Variants in TMF1 observed in about 807,000 individuals in gnomAD.
TMF1 encodes TATA element modulatory factor.
In TMF1, 71 loss-of-function variants were observed where a neutral mutation model predicts 126.5. The ratio of observed to expected loss-of-function variants is 0.56; its 90% CI spans 0.46 to 0.68. The LOEUF is 0.68. TMF1 is among the 30% of genes least tolerant of loss of function. The probability of loss-of-function intolerance (pLI) is 0.00; values close to 1 mark genes in which losing one functional copy is unlikely to be tolerated. For missense variants in TMF1, 1,259 were observed against 1,253.2 expected (o/e 1.00, Z -0.07); for synonymous variants, 461 against 430.5 (o/e 1.07, Z -0.88).
intron 1 of TMF1, among the ~76,000 whole-genome samples, chr3:69,049,711 A>C (rs1487160160): frequency 6.6e-6 from 1 of 152,208 alleles, no homozygotes; most frequent in African/African-American, 2.4e-5. Flanking sequence ...TTGGGGAAAA[A>C]GTTAATTATC....
At chr3:69,030,418 C>T (rs536125697) in intron 10 of TMF1, 1 of 153,602 alleles carries the variant, frequency 6.5e-6, no homozygotes, top group South Asian at 2.1e-4. Context: ...AGAAAGTCTT[C>T]AGGATCTAGA....
At chr3:69,046,303 T>C (rs149714239) in intron 2 of TMF1, among the ~76,000 whole-genome samples, 2 of 151,854 alleles carry the variant, frequency 1.3e-5, no homozygotes, top group Non-Finnish European at 2.9e-5. Context: ...CTCAAAAAAA[T>C]AGTCTTACCT....
Position 69,029,417 on chromosome 3 carries a change from C to T in TMF1, c.2594+398G>A, listed in dbSNP as rs893567736. On this transcript the variant is annotated intron_variant, in intron 11 of 16. Coordinates refer to ENST00000398559, the MANE Select transcript of TMF1 (RefSeq NM_007114.3). Reference sequence around the variant, plus strand: ...TTGGTACCCTGAAGCTAAAAGCCAACGACATACTTTGTTTATTTACTTATT... The same window carrying T: ...TTGGTACCCTGAAGCTAAAAGCCAATGACATACTTTGTTTATTTACTTATT... Among the ~76,000 whole-genome samples the T allele has an allele frequency of 2.0e-5, 3 of 151,132 alleles. No individual in the cohort carries two copies. The East Asian group carries it at 5.8e-4, about 29-fold the overall frequency.
Position 69,038,626 on chromosome 3 carries a change from A to G in TMF1, c.2089T>C (p.Ser697Pro). 6.2e-7 allele frequency: 1 copy of G among 1,614,132 alleles called. No homozygotes were observed. Among genetic ancestry groups the G allele is most frequent in the Non-Finnish European group, 8.5e-7 (1 of 1,180,018 alleles). ...TCTTGGGCCTTCTCTAATGCTGCAGAAAGTTCTTCTTTAGCTTTCATTTCA... is the reference window on the plus strand; with the variant it reads ...TCTTGGGCCTTCTCTAATGCTGCAGGAAGTTCTTCTTTAGCTTTCATTTCA... ...SREMKAKEEL[S>P]AALEKAQEEA... The change falls in exon 8 of 17, where the codon TCT becomes CCT. Residue 697 changes from serine to proline, a missense_variant. Ser to Pro is a moderately conservative substitution (Grantham distance 74, BLOSUM62 -1). Transcript: ENST00000398559.
rs1324758298 is a variant in TMF1, at chr3:69,021,034, T to G, written c.*2143A>C. 6.6e-6 allele frequency: 1 copy of G among 152,248 alleles called. No individual in the cohort carries two copies. The highest frequency in any genetic ancestry group is 2.4e-5 in the African/African-American group (1 of 41,474). 9.4% of individuals were successfully genotyped at this position (152,248 alleles called of 1,614,324 possible). A position where few individuals can be genotyped will look rare whatever the true frequency, so the allele number is the denominator to read the frequency against. On this transcript the variant is annotated 3_prime_UTR_variant, in exon 17 of 17. Transcript: ENST00000398559. ...GTCTCCCCTTATCCACGATTTTGCT[T>G]TCTGTGGTTTCGGTTACTCACGGTC...
chr3:69,042,071 C>G (rs939233569), intron 5 of TMF1, among the ~76,000 whole-genome samples: 1 of 152,084 alleles, frequency 6.6e-6, no homozygotes, highest in African/African-American at 2.4e-5. Flanking sequence ...AAGTCTCACT[C>G]TGTCGCCCAG....
rs1290846125 is a variant in TMF1, at chr3:69,052,118, G to C, written c.-32C>G. 2 of 1,591,948 alleles carry C rather than the reference G, an allele frequency of 1.3e-6. No homozygotes were observed. Among genetic ancestry groups the C allele is most frequent in the East Asian group, 2.3e-5 (1 of 44,184 alleles). On this transcript the variant is annotated 5_prime_UTR_variant, in exon 1 of 17. Coordinates refer to ENST00000398559, the MANE Select transcript of TMF1 (RefSeq NM_007114.3). Reference sequence around the variant, plus strand: ...TCCTCAGCCGGCAGTGGCGGCGGCAGCACCAAGCGGGAAGGCCTCAGGCCT... The same window carrying C: ...TCCTCAGCCGGCAGTGGCGGCGGCACCACCAAGCGGGAAGGCCTCAGGCCT...
chr3:69,040,363 C>T, intron 5 of TMF1: 1 of 152,220 alleles, frequency 6.6e-6, no homozygotes, highest in East Asian at 1.9e-4. Context: ...TGAATTAATG[C>T]TGATTTCTTA....
At position 69,043,873 on chromosome 3, in the gene TMF1, T is replaced by G. The variant is rs777930892; in HGVS notation, c.1455A>C (p.Glu485Asp). Residue 485 changes from glutamate (E) to aspartate (D), a missense_variant, in exon 4 of 17, where the codon GAA (glutamate) becomes GAC (aspartate). Transcript: ENST00000398559. The stretch of plus-strand genomic sequence containing the variant: ...TGCTTTCTTCTTTCACTCTGAACAT[T>G]TCACTAAATTTAAAATAATATTTGA... ...LEEAFDNLKD[E>D]MFRVKEESSS... 6.3e-7 allele frequency: 1 copy of G among 1,597,820 alleles called. No individual in the cohort carries two copies. The highest frequency in any genetic ancestry group is 2.2e-5 in the East Asian group (1 of 44,628).
rs2091738948 is a variant in TMF1, at chr3:69,021,719, C to T, written c.*1458G>A. 6.7e-6 allele frequency: 1 copy of T among 149,494 alleles called. No homozygotes were observed. Among genetic ancestry groups the T allele is most frequent in the Non-Finnish European group, 1.5e-5 (1 of 67,562 alleles). The allele number at this position is 149,494 out of a possible 1,614,324, so 9.3% of individuals were successfully genotyped here. A position where few individuals can be genotyped will look rare whatever the true frequency, so the allele number is the denominator to read the frequency against. On this transcript the variant is annotated 3_prime_UTR_variant, in exon 17 of 17. Coordinates refer to ENST00000398559, the MANE Select transcript of TMF1 (RefSeq NM_007114.3). ...TTTTTGAGACGGAGTCTTTCTCTGT[C>T]ACCCATGCTGGAGTGCAGTGGCACA...
intron 8 of TMF1, among the ~76,000 whole-genome samples, chr3:69,037,629 C>G (rs537399445): frequency 6.6e-6 from 1 of 151,768 alleles, no homozygotes; most frequent in Non-Finnish European, 1.5e-5. Flanking sequence ...GCAACAAGAG[C>G]GAAACTCTGT....
intron 10 of TMF1, among the ~76,000 whole-genome samples, chr3:69,032,226 C>T (rs2091807157): frequency 6.6e-6 from 1 of 152,142 alleles, no homozygotes; most frequent in Non-Finnish European, 1.5e-5. Flanking sequence ...ATCTAAGAGT[C>T]CACTGAATAC....
intron 5 of TMF1, among the ~76,000 whole-genome samples, chr3:69,040,787 T>C (rs2107465244): frequency 6.6e-6 from 1 of 152,124 alleles, no homozygotes; most frequent in Admixed American, 6.5e-5. Flanking sequence ...CTAGGCGTGG[T>C]GGCAGGTAGC....
At chr3:69,025,346 A>G in intron 15 of TMF1, 1 of 466,080 alleles carries the variant, frequency 2.1e-6, no homozygotes, top group Non-Finnish European at 3.8e-6. Flanking sequence ...AATATGCCTA[A>G]TTCTGGCAAT....
At chr3:69,046,080 G>T (rs2091894269) in intron 2 of TMF1, among the ~76,000 whole-genome samples, 2 of 152,106 alleles carry the variant, frequency 1.3e-5, no homozygotes, top group South Asian at 4.1e-4. Context: ...CTGCACGCTA[G>T]CCTGGACAAT....
intron 9 of TMF1, among the ~76,000 whole-genome samples, chr3:69,034,335 T>A (rs1479946084): frequency 6.6e-6 from 1 of 151,910 alleles, no homozygotes; most frequent in Non-Finnish European, 1.5e-5. Context: ...TAGCTGGGCA[T>A]GGTGGTGCAC....
At chr3:69,045,134 C>G (rs1423072888) in intron 2 of TMF1, among the ~76,000 whole-genome samples, 1 of 152,156 alleles carries the variant, frequency 6.6e-6, no homozygotes. Context: ...AAACACATAC[C>G]CTTTTTAAAA....
intron 1 of TMF1, among the ~76,000 whole-genome samples, chr3:69,049,459 T>C (rs2091914090): frequency 6.6e-6 from 1 of 152,210 alleles, no homozygotes; most frequent in South Asian, 2.1e-4. Context: ...CTGATGGGAA[T>C]GGTAAGTTCT....
chr3:69,021,681 GT>G lies in TMF1; in HGVS notation c.*1495del, dbSNP rs1253730411. 6.8e-6 allele frequency: 1 copy of G among 147,732 alleles called. No homozygotes were observed. The highest frequency in any genetic ancestry group is 1.5e-5 in the Non-Finnish European group (1 of 65,526). The allele number at this position is 147,732 out of a possible 1,614,324, so 9.2% of individuals were successfully genotyped here. ...AATTTTAACTAAAAATTAAATAAGA[GT>G]TTGTTTTTTTTTTTTTGAGACGGAG... On this transcript the variant is annotated 3_prime_UTR_variant, in exon 17 of 17. Transcript: ENST00000398559.
Sources: allele counts gnomAD v4.1 joint callset (sites outside exome capture counted in the v4.1 genomes callset), GRCh38; gene constraint gnomAD v4.1.1; transcripts MANE v1.5; gene names NCBI Gene and HGNC (gene_info 2026-07-23, HGNC 2026-07-21).